Variants in MMP24 observed in about 807,000 individuals in gnomAD.
The protein encoded by MMP24 is matrix metalloproteinase-24.
Under a neutral mutation model 62.8 loss-of-function variants are expected in MMP24, and 25 were observed. That is an observed-to-expected ratio of 0.40 (90% CI 0.29 to 0.56). The LOEUF (loss-of-function observed/expected upper bound fraction) is 0.56. MMP24 is among the 20% of genes least tolerant of loss of function. The pLI, the probability that MMP24 is intolerant of heterozygous loss-of-function variation, is 0.50. For missense variants in MMP24, 634 were observed against 853.6 expected (o/e 0.74, Z 3.21); for synonymous variants, 319 against 350.5 (o/e 0.91, Z 1.00).
chr20:35,229,634 T>C (rs764516709), intron 1 of MMP24, among the ~76,000 whole-genome samples: 1 of 152,172 alleles, frequency 6.6e-6, no homozygotes, highest in Non-Finnish European at 1.5e-5. Flanking sequence ...CGGCAGATAA[T>C]ATTGCTTACT....
At chr20:35,227,223 G>T (rs2060418179) in intron 1 of MMP24, among the ~76,000 whole-genome samples, 2 of 151,818 alleles carry the variant, frequency 1.3e-5, no homozygotes, top group African/African-American at 2.4e-5. Context: ...GCAGCGGGCG[G>T]GGGCCGAGCA....
chr20:35,267,516 G>C (rs746283291), intron 6 of MMP24, 97 bp downstream of exon 6: 8 of 1,277,846 alleles, frequency 6.3e-6, no homozygotes, highest in African/African-American at 1.5e-5. Flanking sequence ...TTTGGGATTC[G>C]ATTACAATGG....
At chr20:35,227,066 C>T (rs1217669003) in intron 1 of MMP24, 82 bp downstream of exon 1, 89 of 954,418 alleles carry the variant, frequency 9.3e-5, no homozygotes, top group African/African-American at 3.6e-5. Context: ...GGGCCTGGGC[C>T]GGGCCGCACC....
chr20:35,254,902 A>C, intron 4 of MMP24, 148 bp downstream of exon 4: 1 of 931,098 alleles, frequency 1.1e-6, no homozygotes. Flanking sequence ...GATTTCTGAT[A>C]ATATTCAACG....
chr20:35,272,011 C>T (rs1179916822), intron 8 of MMP24, 176 bp downstream of exon 8: 2 of 700,290 alleles, frequency 2.9e-6, no homozygotes, highest in African/African-American at 1.8e-5. Flanking sequence ...TTACCAGCTG[C>T]CAAGTCACAC....
chr20:35,257,378 T>C (rs1037737028), intron 4 of MMP24, among the ~76,000 whole-genome samples: 7 of 152,222 alleles, frequency 4.6e-5, no homozygotes, highest in African/African-American at 1.7e-4. Context: ...CTCATTCTTA[T>C]TTTTGGATCG....
chr20:35,267,266 C>A lies in MMP24; in HGVS notation c.1041C>A (p.Ile347=). The change falls in exon 6 of 9, where the codon ATC becomes ATA. Residue 347 remains isoleucine (I), a synonymous_variant. Coordinates refer to ENST00000246186, the MANE Select transcript of MMP24 (RefSeq NM_006690.4). The part of the protein sequence containing the change: ...RPLPTLPVRR[I]HSPSERKHER... ...TCCCTACACTCCCCGTCCGCAGGAT[C>A]CACTCACCATCGGAGAGGAAACACG... is the stretch of plus-strand genomic sequence containing the variant. 1 of 1,606,594 alleles carries A rather than the reference C, an allele frequency of 6.2e-7. No individual in the cohort carries two copies. Among genetic ancestry groups the A allele is most frequent in the Non-Finnish European group, 8.5e-7 (1 of 1,176,836 alleles).
At chr20:35,266,481 T>C (rs1051401579) in intron 5 of MMP24, among the ~76,000 whole-genome samples, 1 of 150,390 alleles carries the variant, frequency 6.6e-6, no homozygotes, top group Non-Finnish European at 1.5e-5. Context: ...AGGATGAAAA[T>C]GTAGAGACGG....
Position 35,226,837 on chromosome 20 carries a change from G to T in MMP24, c.99G>T (p.Gly33=), listed in dbSNP as rs1210105144. The change falls in exon 1 of 9, where the codon GGG becomes GGT. Residue 33 remains glycine (G), a synonymous_variant. Transcript: ENST00000246186. ...APRWSRWRVP[G]RLLLLLLPAL... ...GCTGGAGCCGCTGGCGGGTCCCTGG[G>T]CGGCTGCTGCTGCTGCTGCTGCCCG... The T allele has an allele frequency of 1.0e-6, 1 of 979,204 alleles. No individual in the cohort carries two copies. The highest frequency in any genetic ancestry group is 1.2e-6 in the Non-Finnish European group (1 of 827,630). The allele number at this position is 979,204 out of a possible 1,614,324, so 60.7% of individuals were successfully genotyped here.
chr20:35,244,501 C>T (rs1161635899), intron 1 of MMP24, among the ~76,000 whole-genome samples: 2 of 152,114 alleles, frequency 1.3e-5, no homozygotes, highest in African/African-American at 2.4e-5. Flanking sequence ...AGTGTAATGG[C>T]GTGATCTCAG....
intron 4 of MMP24, among the ~76,000 whole-genome samples, chr20:35,257,135 A>C (rs2425024): frequency 0.34 from 50,928 of 152,008 alleles, 8,615 homozygotes; most frequent in South Asian, 0.4. Context: ...AGAACACTTT[A>C]TATCATCGCA....
At chr20:35,229,397 C>T (rs182287521) in intron 1 of MMP24, among the ~76,000 whole-genome samples, 40 of 152,268 alleles carry the variant, frequency 2.6e-4, no homozygotes, top group South Asian at 1.5e-3. Flanking sequence ...CTTTCATTCA[C>T]GGAAGTGACC....
chr20:35,253,605 G>A (rs1281112917), intron 3 of MMP24, among the ~76,000 whole-genome samples: 1 of 152,012 alleles, frequency 6.6e-6, no homozygotes, highest in Non-Finnish European at 1.5e-5. Context: ...GGAACCCACA[G>A]GTAGTAACGT....
chr20:35,256,475 T>G (rs909049267), intron 4 of MMP24: 4 of 152,056 alleles, frequency 2.6e-5, no homozygotes, highest in African/African-American at 9.7e-5. Context: ...ATCCCAGCAC[T>G]TTGGGAGGCC....
At position 35,255,215 on chromosome 20, in the gene MMP24, C is replaced by A. The variant is rs539139200; in HGVS notation, c.817+461C>A. 2.0e-4 allele frequency among the ~76,000 whole-genome samples: 30 copies of A among 152,176 alleles called. No homozygotes were observed. In the South Asian group the frequency reaches 6.0e-3, roughly 30 times the overall value. Reference sequence around the variant, plus strand: ...GCGTGGTGGCGGGTGCCTGTAATCCCAGCTACTCAGGAGGCTGAGGCATGA... The same window carrying A: ...GCGTGGTGGCGGGTGCCTGTAATCCAAGCTACTCAGGAGGCTGAGGCATGA... On this transcript the variant is annotated intron_variant, in intron 4 of 8. Coordinates refer to ENST00000246186, the MANE Select transcript of MMP24 (RefSeq NM_006690.4).
At chr20:35,267,158 G>A (rs1048255579) in intron 5 of MMP24, 47 bp from the exon 6 acceptor site, 31 of 1,462,202 alleles carry the variant, frequency 2.1e-5, no homozygotes, top group Non-Finnish European at 2.8e-5. Context: ...GGCAATGGGA[G>A]GCGGGAAACG....
In MMP24 at chr20:35,274,731, A is replaced by C. The variant is rs1360214161; in HGVS notation, c.*122A>C. 5 of 869,716 alleles carry C rather than the reference A, an allele frequency of 5.7e-6. No individual in the cohort carries two copies. In the Admixed American group the frequency reaches 1.4e-4, roughly 25 times the overall value. The allele number at this position is 869,716 out of a possible 1,614,324, so 53.9% of individuals were successfully genotyped here. On this transcript the variant is annotated 3_prime_UTR_variant, in exon 9 of 9. Coordinates refer to ENST00000246186, the MANE Select transcript of MMP24 (RefSeq NM_006690.4). This position sits in a 1 kb window ranked among gnomAD's most constrained non-coding sequence, Gnocchi z 5.1. Reference sequence around the variant, plus strand: ...GCAGGGCCCTAGGCTGGGGTCGTACAGCTGAAGTGGTGGGTGCATTGGCCT... The same window carrying C: ...GCAGGGCCCTAGGCTGGGGTCGTACCGCTGAAGTGGTGGGTGCATTGGCCT...
At chr20:35,234,784 G>A (rs758200886) in intron 1 of MMP24, among the ~76,000 whole-genome samples, 24 of 152,226 alleles carry the variant, frequency 1.6e-4, no homozygotes, top group Admixed American at 5.2e-4. Flanking sequence ...GCTCATGCCT[G>A]TAATCCCAGC....
At position 35,246,402 on chromosome 20, in the gene MMP24, C is replaced by T. The variant is rs542994949; in HGVS notation, c.247-438C>T. ...TGAGGCAGGAGAATCACTTGAACCC[C>T]GGAGGCGGAGGTTGCAGTGAGCTGA... is the stretch of plus-strand genomic sequence containing the variant. On this transcript the variant is annotated intron_variant, in intron 1 of 8. Coordinates refer to ENST00000246186, the MANE Select transcript of MMP24 (RefSeq NM_006690.4). Among the ~76,000 whole-genome samples the T allele has an allele frequency of 1.9e-4, 29 of 152,172 alleles. No individual in the cohort carries two copies. In the East Asian group the frequency reaches 1.9e-3, roughly 10 times the overall value.
Sources: allele counts gnomAD v4.1 joint callset (sites outside exome capture counted in the v4.1 genomes callset), GRCh38; gene constraint gnomAD v4.1.1; non-coding constraint Gnocchi (gnomAD v3.1); transcripts MANE v1.5; gene names NCBI Gene and HGNC (gene_info 2026-07-23, HGNC 2026-07-21).